MKRN1: variants seen among roughly 807,000 people sequenced by gnomAD.
MKRN1 encodes the protein makorin ring finger protein 1, also known as E3 ubiquitin-protein ligase makorin-1.
Under a neutral mutation model 55.5 loss-of-function variants are expected in MKRN1, and 9 were observed. That is an observed-to-expected ratio of 0.16 (90% CI 0.10 to 0.28). The LOEUF (loss-of-function observed/expected upper bound fraction) is 0.28, where lower values mean the gene tolerates loss of function less well. MKRN1 is among the 10% of genes least tolerant of loss of function. MKRN1 has a pLI of 1.00. For missense variants in MKRN1, 488 were observed against 626.7 expected, an observed-to-expected ratio of 0.78 and a Z score of 2.36; for synonymous variants, 253 against 235.9, an observed-to-expected ratio of 1.07 and a Z score of -0.66.
chr7:140,472,097 A>G, intron 1 of MKRN1, 86 bp from the exon 2 acceptor site: 1 of 1,540,260 alleles, frequency 6.5e-7, no homozygotes, highest in South Asian at 1.1e-5. Flanking sequence ...AATATATTCA[A>G]CCAGTAAATA....
At chr7:140,479,128 C>T in intron 1 of MKRN1, 32 bp downstream of exon 1, 5 of 1,298,640 alleles carry the variant, frequency 3.9e-6, no homozygotes, top group Non-Finnish European at 4.9e-6. Flanking sequence ...GCCCCCTCCC[C>T]GCGCCCGGCG....
At chr7:140,474,685 A>G (rs968247259) in intron 1 of MKRN1, among the ~76,000 whole-genome samples, 2 of 151,540 alleles carry the variant, frequency 1.3e-5, no homozygotes, top group Admixed American at 6.6e-5. Flanking sequence ...ACGTCACAGC[A>G]CTCAGATAAA....
At chr7:140,472,746 C>T (rs1437150700) in intron 1 of MKRN1, among the ~76,000 whole-genome samples, 1 of 144,014 alleles carries the variant, frequency 6.9e-6, no homozygotes, top group Non-Finnish European at 1.6e-5. Context: ...TGATGGAGCA[C>T]GACTATGACT....
In MKRN1 at chr7:140,477,312, TTTTC is replaced by T. The variant is rs1378284212; in HGVS notation, c.185+1844_185+1847del. On this transcript the variant is annotated intron_variant, in intron 1 of 7. Transcript: ENST00000255977. Reference sequence around the variant, plus strand: ...AAAACTAGTAAATCTAAGCTCTTTCTTTTCTTTCTTTTTCTTTTTTGTTTTTCTT... The same window carrying T: ...AAAACTAGTAAATCTAAGCTCTTTCTTTTCTTTTTCTTTTTTGTTTTTCTT... Among the ~76,000 whole-genome samples, 455 of 133,178 alleles carry T rather than the reference TTTTC, an allele frequency of 3.4e-3. 2 individuals carry two copies. Among genetic ancestry groups the T allele is most frequent in the African/African-American group, 0.017 (416 of 25,098 alleles). The allele number at this position is 133,178 out of a possible 152,430, so 87.4% of individuals were successfully genotyped here.
chr7:140,471,333 C>A (rs1031893460), intron 2 of MKRN1, among the ~76,000 whole-genome samples: 3 of 149,618 alleles, frequency 2.0e-5, no homozygotes, highest in Non-Finnish European at 4.5e-5. Flanking sequence ...GAAGTGACCA[C>A]ACCACTGCAC....
intron 2 of MKRN1, among the ~76,000 whole-genome samples, chr7:140,464,128 A>AG (rs1379366325): frequency 6.6e-6 from 1 of 151,896 alleles, no homozygotes; most frequent in African/African-American, 2.4e-5. Context: ...CATGTTGGCC[A>AG]GGCTAGTCTT....
At chr7:140,474,875 C>T (rs1377102178) in intron 1 of MKRN1, among the ~76,000 whole-genome samples, 1 of 151,902 alleles carries the variant, frequency 6.6e-6, no homozygotes, top group African/African-American at 2.4e-5. Flanking sequence ...CCCGCCACCA[C>T]GCCCAGCTAA....
intron 1 of MKRN1, chr7:140,478,526 T>C (rs1281709587): frequency 1.3e-5 from 2 of 148,472 alleles, no homozygotes; most frequent in African/African-American, 5.3e-5. Context: ...CCCGAACGCC[T>C]GCTTCTAAGA....
In MKRN1 at chr7:140,453,622, C is replaced by T. The variant is rs762711349; in HGVS notation, c.*895G>A. ...TAGTTTTAACCTCTATGGCTAACCC[C>T]ATTTCTCTATTTATATAGACAGAGC... On this transcript the variant is annotated 3_prime_UTR_variant, in exon 8 of 8. Coordinates refer to ENST00000255977, the MANE Select transcript of MKRN1 (RefSeq NM_013446.4). 3 of 152,292 alleles carry T rather than the reference C, an allele frequency of 2.0e-5. No homozygotes were observed. Among genetic ancestry groups the T allele is most frequent in the Non-Finnish European group, 2.9e-5 (2 of 68,030 alleles). The allele number at this position is 152,292 out of a possible 1,614,324, so 9.4% of individuals were successfully genotyped here. A position where few individuals can be genotyped will look rare whatever the true frequency, so the allele number is the denominator to read the frequency against.
At chr7:140,455,651 G>T in intron 6 of MKRN1, 139 bp downstream of exon 6, 1 of 665,516 alleles carries the variant, frequency 1.5e-6, no homozygotes, top group Non-Finnish European at 2.6e-6. Context: ...GATGTTATCA[G>T]GGTGACAAAA....
chr7:140,479,415 G>T lies in MKRN1; in HGVS notation c.-71C>A. On this transcript the variant is annotated 5_prime_UTR_variant, in exon 1 of 8. Transcript: ENST00000255977. ...CATAGTTCCGGTCCGGCTGCGGGGA[G>T]AGGACGGCGAGGCCAGGCGAGGGGA... 1 of 1,250,648 alleles carries T rather than the reference G, an allele frequency of 8.0e-7. No homozygotes were observed. The highest frequency in any genetic ancestry group is 1.0e-6 in the Non-Finnish European group (1 of 992,114). 77.5% of individuals were successfully genotyped at this position (1,250,648 alleles called of 1,614,324 possible).
chr7:140,470,212 T>TC (rs1794885578), intron 2 of MKRN1, among the ~76,000 whole-genome samples: 1 of 128,210 alleles, frequency 7.8e-6, no homozygotes, highest in African/African-American at 3.0e-5. Context: ...CCAGCAAAAC[T>TC]CCGTCTTGAA....
At chr7:140,468,718 A>AAAAAAAAAAAAAAAC (rs1794839033) in intron 2 of MKRN1, among the ~76,000 whole-genome samples, 1 of 145,056 alleles carries the variant, frequency 6.9e-6, no homozygotes, top group Admixed American at 6.9e-5. Context: ...AAAAAAAAAA[A>AAAAAAAAAAAAAAAC]AAAAAAAGAC....
At chr7:140,459,638 C>T in intron 3 of MKRN1, 69 bp downstream of exon 3, 1 of 1,478,160 alleles carries the variant, frequency 6.8e-7, no homozygotes, top group Non-Finnish European at 9.4e-7. Flanking sequence ...GGAAAGTTGT[C>T]AAAACTAAGC....
chr7:140,476,669 G>GA (rs1585501626), intron 1 of MKRN1, among the ~76,000 whole-genome samples: 1 of 151,244 alleles, frequency 6.6e-6, no homozygotes, highest in East Asian at 1.9e-4. Context: ...AGGATACTCA[G>GA]TAACTGAGTA....
chr7:140,476,744 T>C lies in MKRN1; in HGVS notation c.185+2416A>G, dbSNP rs535225690. 1.4e-4 allele frequency among the ~76,000 whole-genome samples: 21 copies of C among 151,172 alleles called. No homozygotes were observed. The South Asian group carries it at 4.4e-3, about 32-fold the overall frequency. Reference sequence around the variant, plus strand: ...AACTGAGGAAAGAAAGCCCTGCAGATAAAATAGGGCCCTACTCTTCTCAGA... The same window carrying C: ...AACTGAGGAAAGAAAGCCCTGCAGACAAAATAGGGCCCTACTCTTCTCAGA... On this transcript the variant is annotated intron_variant, in intron 1 of 7. Coordinates refer to ENST00000255977, the MANE Select transcript of MKRN1 (RefSeq NM_013446.4).
At chr7:140,466,066 C>T (rs181554815) in intron 2 of MKRN1, among the ~76,000 whole-genome samples, 1 of 151,932 alleles carries the variant, frequency 6.6e-6, no homozygotes, top group South Asian at 2.1e-4. Flanking sequence ...GGTGACAGAG[C>T]GAGACTCCAT....
At chr7:140,458,920 G>A in intron 4 of MKRN1, 87 bp downstream of exon 4, 1 of 1,384,914 alleles carries the variant, frequency 7.2e-7, no homozygotes, top group Non-Finnish European at 1.0e-6. Context: ...TTCATCAAAT[G>A]TTTCTCTGAA....
chr7:140,473,197 T>G, intron 1 of MKRN1: 1 of 404,988 alleles, frequency 2.5e-6, no homozygotes. Flanking sequence ...GTCTTGTTTT[T>G]AAATGATACC....
Sources: allele counts gnomAD v4.1 joint callset (sites outside exome capture counted in the v4.1 genomes callset), GRCh38; gene constraint gnomAD v4.1.1; transcripts MANE v1.5; gene names NCBI Gene and HGNC (gene_info 2026-07-23, HGNC 2026-07-21).